TMEM35B: variants seen among roughly 807,000 people sequenced by gnomAD.
TMEM35B encodes transmembrane protein 35B, also known as ZMYM6 neighbor protein.
In TMEM35B, 6 loss-of-function variants were observed where a neutral mutation model predicts 8.7. The observed-to-expected ratio is 0.69, with a 90% CI of 0.38 to 1.36. The LOEUF is 1.36. Among genes scored for constraint, TMEM35B ranks in the 40% most tolerant of loss-of-function variants. TMEM35B has a pLI of 0.02. For synonymous variants in TMEM35B, 89 were observed against 87.0 expected (o/e 1.02, Z -0.13); for missense variants, 176 against 181.6 (o/e 0.97, Z 0.18).
intron 2 of TMEM35B, among the ~76,000 whole-genome samples, 189 bp downstream of exon 2, chr1:34,983,578 C>CAAAAAAAAA (rs1163962621): frequency 0.043 from 990 of 23,216 alleles, 146 homozygotes; most frequent in East Asian, 0.22. Flanking sequence ...GACTCCATCT[C>CAAAAAAAAA]AAAAAAAAAA....
exon 3 of TMEM35B, chr1:34,981,822 G>A: frequency 9.8e-7 from 1 of 1,018,128 alleles, no homozygotes; most frequent in Non-Finnish European, 1.3e-6. Context: ...GTGCCAGGTA[G>A]ACAAAATGTC....
chr1:34,983,578 C>CAAAAAAAAAAAAAAAAA (rs1163962621), intron 2 of TMEM35B, among the ~76,000 whole-genome samples, 189 bp downstream of exon 2: 3 of 23,216 alleles, frequency 1.3e-4, no homozygotes, highest in African/African-American at 3.9e-4. Flanking sequence ...GACTCCATCT[C>CAAAAAAAAAAAAAAAAA]AAAAAAAAAA....
At chr1:34,985,314 TC>T in exon 1 of TMEM35B, 8 of 1,517,618 alleles carry the variant, frequency 5.3e-6, no homozygotes, top group Admixed American at 2.1e-5. Flanking sequence ...ATGGCCGCGC[TC>T]CCCCCACCGT....
At chr1:34,982,080 C>A (rs754065648) in exon 3 of TMEM35B, 1 of 1,548,552 alleles carries the variant, frequency 6.5e-7, no homozygotes, top group South Asian at 1.2e-5. Flanking sequence ...GATACAGGTG[C>A]TTAGTGACTC....
intron 2 of TMEM35B, among the ~76,000 whole-genome samples, 182 bp downstream of exon 2, chr1:34,983,578 CAAAAAAA>C (rs1163962621): frequency 8.6e-4 from 20 of 23,220 alleles, no homozygotes; most frequent in South Asian, 1.8e-3. Context: ...GACTCCATCT[CAAAAAAA>C]AAAAAAAAAA....
At chr1:34,981,455 G>T (rs897832722), downstream of TMEM35B, 2 of 152,100 alleles carry the variant, frequency 1.3e-5, no homozygotes, top group Non-Finnish European at 2.9e-5. Flanking sequence ...TCCTCATGGG[G>T]GATTAAATAC....
exon 3 of TMEM35B, chr1:34,981,959 C>T (rs532311322): frequency 3.9e-5 from 60 of 1,540,636 alleles, no homozygotes; most frequent in Middle Eastern, 3.4e-4. Flanking sequence ...TCCAGGATTC[C>T]TTGAATGTAC....
At chr1:34,984,055 A>T in intron 1 of TMEM35B, 108 bp from the exon 2 acceptor site, 1 of 1,127,984 alleles carries the variant, frequency 8.9e-7, no homozygotes, top group South Asian at 2.4e-5. Flanking sequence ...CAGAGAAAAG[A>T]ACTACTACTC....
At position 34,984,281 on chromosome 1, in the gene TMEM35B, CTTCT is replaced by C. The variant is rs10549141; in HGVS notation, c.109-338_109-335del. 3.4e-3 allele frequency among the ~76,000 whole-genome samples: 516 copies of C among 152,304 alleles called. 6 individuals are homozygous for C. The highest frequency in any genetic ancestry group is 0.012 in the African/African-American group (481 of 41,568). On this transcript the variant is annotated intron_variant, in intron 1 of 2. Coordinates refer to ENST00000373337, the Ensembl canonical transcript of TMEM35B. ...AAGGCCTGGGGAATTCCACAGTTTC[CTTCT>C]TTGTGTCTGGCCTGGTTTCTCTTAA...
intron 2 of TMEM35B, 119 bp from the exon 3 acceptor site, chr1:34,982,238 A>C (rs919323711): frequency 5.2e-6 from 4 of 765,956 alleles, no homozygotes; most frequent in Non-Finnish European, 8.0e-6. Flanking sequence ...AAACACCCCC[A>C]CCACTCCTAA....
chr1:34,984,980 G>A (rs952733568), intron 1 of TMEM35B, among the ~76,000 whole-genome samples: 1 of 151,992 alleles, frequency 6.6e-6, no homozygotes, highest in African/African-American at 2.4e-5. Flanking sequence ...TCTGCAGGAA[G>A]GGGAGGTTCT....
At chr1:34,982,176 G>T (rs972120960) in intron 2 of TMEM35B, 57 bp from the exon 3 acceptor site, 1 of 1,464,312 alleles carries the variant, frequency 6.8e-7, no homozygotes. Context: ...AGATCCAGGA[G>T]CTCAGGGCTC....
At chr1:34,981,738 T>A in exon 3 of TMEM35B, 1 of 341,586 alleles carries the variant, frequency 2.9e-6, no homozygotes, top group Non-Finnish European at 5.0e-6. Context: ...TGTATTTTCA[T>A]ATGACATGAG....
chr1:34,982,183 G>A, intron 2 of TMEM35B, 64 bp from the exon 3 acceptor site: 4 of 1,453,564 alleles, frequency 2.8e-6, no homozygotes, highest in Non-Finnish European at 3.7e-6. Context: ...GGAGCTCAGG[G>A]CTCTCTAGTT....
chr1:34,981,408 G>A (rs1640505149), downstream of TMEM35B: 1 of 152,144 alleles, frequency 6.6e-6, no homozygotes, highest in Non-Finnish European at 1.5e-5. Flanking sequence ...TTACTGTGAG[G>A]CTTACGAGAG....
At chr1:34,983,939 C>T (rs1422419781) in exon 2 of TMEM35B, 12 of 1,506,206 alleles carry the variant, frequency 8.0e-6, no homozygotes, top group Non-Finnish European at 1.1e-5. Context: ...ACTGCACGAA[C>T]AGGGCATTCT....
chr1:34,982,028 G>C, exon 3 of TMEM35B: 3 of 1,550,242 alleles, frequency 1.9e-6, no homozygotes, highest in Non-Finnish European at 2.6e-6. Context: ...AGAGCTGGCC[G>C]ACATTCAGCA....
chr1:34,985,201 C>T, exon 1 of TMEM35B: 1 of 1,536,146 alleles, frequency 6.5e-7, no homozygotes, highest in Non-Finnish European at 8.8e-7. Flanking sequence ...CGCTCACCAT[C>T]CGCTCCGAAA....
chr1:34,985,324 G>T, exon 1 of TMEM35B: 1 of 1,518,502 alleles, frequency 6.6e-7, no homozygotes, highest in Non-Finnish European at 8.8e-7. Flanking sequence ...TCCCCCCACC[G>T]TGGGTTGGCC....
Sources: allele counts gnomAD v4.1 joint callset (sites outside exome capture counted in the v4.1 genomes callset), GRCh38; gene constraint gnomAD v4.1.1; transcripts MANE v1.5; gene names NCBI Gene and HGNC (gene_info 2026-07-23, HGNC 2026-07-21).